Variants in KIF26B observed in about 807,000 individuals in gnomAD.
KIF26B encodes kinesin family member 26B.
Under a neutral mutation model 151.2 loss-of-function variants are expected in KIF26B, and 63 were observed. The ratio of observed to expected loss-of-function variants is 0.42; its 90% CI spans 0.34 to 0.51. The LOEUF is 0.51. Among genes scored for constraint, KIF26B ranks in the 20% least tolerant of loss-of-function variants. The pLI is 0.07. For synonymous variants in KIF26B, 1,357 were observed against 1,262.1 expected, an observed-to-expected ratio of 1.08 and a Z score of -1.59; for missense variants, 2,813 against 2,913.6, an observed-to-expected ratio of 0.97 and a Z score of 0.79.
intron 2 of KIF26B, among the ~76,000 whole-genome samples, chr1:245,268,507 AATAAT>A (rs1670791789): frequency 1.5e-5 from 1 of 68,410 alleles, no homozygotes; most frequent in African/African-American, 5.3e-5. Context: ...TAATAATAAT[AATAAT>A]AATAAAGTTT....
Position 245,508,393 on chromosome 1 carries a change from A to G in KIF26B, c.1167-32374A>G, listed in dbSNP as rs1660767343. Among the ~76,000 whole-genome samples the G allele has an allele frequency of 2.0e-5, 3 of 152,102 alleles. No homozygotes were observed. The South Asian group carries it at 6.2e-4, about 32-fold the overall frequency. On this transcript the variant is annotated intron_variant, in intron 4 of 14. Transcript: ENST00000407071. ...GTAGCTGTGACTACTGGCGCCCGCC[A>G]CCACGCCCGGCTAATTTTTTGTATT...
chr1:245,353,905 T>C (rs960632338), intron 2 of KIF26B: 3 of 152,674 alleles, frequency 2.0e-5, no homozygotes, highest in African/African-American at 7.2e-5. Context: ...GGTGAAATTC[T>C]GGACCTCACA....
chr1:245,332,774 G>A (rs1202555877), intron 2 of KIF26B, among the ~76,000 whole-genome samples: 1 of 152,206 alleles, frequency 6.6e-6, no homozygotes, highest in Non-Finnish European at 1.5e-5. Flanking sequence ...TGGCTCATAA[G>A]TTTCCAGTCT....
intron 4 of KIF26B, among the ~76,000 whole-genome samples, chr1:245,428,613 C>G (rs898334792): frequency 1.3e-5 from 2 of 152,206 alleles, no homozygotes; most frequent in African/African-American, 2.4e-5. Context: ...AAGTGGCATT[C>G]ATAGCTTGGC....
chr1:245,614,007 T>G (rs2043556725), intron 9 of KIF26B, among the ~76,000 whole-genome samples: 1 of 152,186 alleles, frequency 6.6e-6, no homozygotes, highest in African/African-American at 2.4e-5. Flanking sequence ...GTCCTGGTTT[T>G]GCGTTTATCC....
chr1:245,680,334 C>T (rs2044417356), intron 10 of KIF26B, among the ~76,000 whole-genome samples: 1 of 152,214 alleles, frequency 6.6e-6, no homozygotes, highest in African/African-American at 2.4e-5. Flanking sequence ...GGCTCACCAG[C>T]AGCTCTACCG....
chr1:245,466,391 G>A (rs974795661), intron 4 of KIF26B, among the ~76,000 whole-genome samples: 5 of 152,202 alleles, frequency 3.3e-5, no homozygotes, highest in Non-Finnish European at 7.3e-5. Flanking sequence ...TCTGGTGAAG[G>A]AGGCTGCAAC....
chr1:245,252,981 A>C (rs973231477), intron 2 of KIF26B, among the ~76,000 whole-genome samples: 1 of 148,956 alleles, frequency 6.7e-6, no homozygotes, highest in Non-Finnish European at 1.5e-5. Context: ...TTTTCTCTAC[A>C]TCCATTGAGG....
At position 245,431,909 on chromosome 1, in the gene KIF26B, C is replaced by T. The variant is rs141348185; in HGVS notation, c.1166+12164C>T. Among the ~76,000 whole-genome samples the T allele has an allele frequency of 2.8e-3, 429 of 152,318 alleles. 4 individuals carry two copies. Among genetic ancestry groups the T allele is most frequent in the African/African-American group, 8.8e-3 (366 of 41,576 alleles). On this transcript the variant is annotated intron_variant, in intron 4 of 14. Coordinates refer to ENST00000407071, the MANE Select transcript of KIF26B (RefSeq NM_018012.4). ...ACACCATCTGTCCCCTGCCCTCTTC[C>T]TCTGCCATGTTCCCACTTGCTTACT...
rs1391204268 is a variant in KIF26B, at chr1:245,560,612, C to T, written c.1350+19662C>T. Among the ~76,000 whole-genome samples, 1 of 152,118 alleles carries T rather than the reference C, an allele frequency of 6.6e-6. No individual in the cohort carries two copies. Among genetic ancestry groups the T allele is most frequent in the Non-Finnish European group, 1.5e-5 (1 of 68,018 alleles). Reference sequence around the variant, plus strand: ...TGGAGGTTGAAAACATCTCAGCGCACTTCACGGAGGTTCTCAGAGACCCCA... The same window carrying T: ...TGGAGGTTGAAAACATCTCAGCGCATTTCACGGAGGTTCTCAGAGACCCCA... On this transcript the variant is annotated intron_variant, in intron 5 of 14. Transcript: ENST00000407071. The surrounding 1 kb of genome is among the most constrained non-coding windows in gnomAD (Gnocchi z 4.3).
In KIF26B at chr1:245,688,275, G is replaced by A; in HGVS notation, c.5292G>A (p.Pro1764=). The A allele has an allele frequency of 1.9e-6, 3 of 1,595,790 alleles. No homozygotes were observed. The highest frequency in any genetic ancestry group is 1.1e-5 in the South Asian group (1 of 90,680). The part of the protein sequence containing the change: ...KTLSFSTKSL[P]QAVGQGSSSP... ...TCAGCTTCTCCACCAAGTCCCTGCC[G>A]CAGGCGGTGGGCCAGGGCTCCAGCT... The change falls in exon 12 of 15, where the codon CCG becomes CCA. Residue 1764 remains proline (P), a synonymous_variant. Coordinates refer to ENST00000407071, the MANE Select transcript of KIF26B (RefSeq NM_018012.4).
intron 4 of KIF26B, among the ~76,000 whole-genome samples, chr1:245,428,102 C>G (rs1432279044): frequency 5.3e-5 from 8 of 152,202 alleles, no homozygotes; most frequent in African/African-American, 1.7e-4. Flanking sequence ...CAAGCAGTGT[C>G]AGGACATAGA....
rs187320368 is a variant in KIF26B at position 245,324,114 on chromosome 1, G to A, written c.466-42720G>A. ...GCCATGGGTGGTGAGAGGTAGAGTT[G>A]GTGTGGACTCTGCCAGGGGTGGTTG... On this transcript the variant is annotated intron_variant, in intron 2 of 14. Transcript: ENST00000407071. 8.6e-4 allele frequency among the ~76,000 whole-genome samples: 125 copies of A among 144,930 alleles called. 3 individuals carry two copies. The East Asian group carries it at 0.026, about 30-fold the overall frequency.
chr1:245,482,102 T>A (rs1175730298), intron 4 of KIF26B, among the ~76,000 whole-genome samples: 1 of 151,778 alleles, frequency 6.6e-6, no homozygotes, highest in Middle Eastern at 3.2e-3. Context: ...TTTATTGACT[T>A]ATTTTTTGAT....
intron 4 of KIF26B, among the ~76,000 whole-genome samples, chr1:245,463,433 G>C (rs1659697731): frequency 6.6e-6 from 1 of 152,186 alleles, no homozygotes; most frequent in Non-Finnish European, 1.5e-5. Flanking sequence ...GTCTCCCCTG[G>C]ATATACATCC....
intron 3 of KIF26B, among the ~76,000 whole-genome samples, chr1:245,408,349 CTTTT>C (rs58724712): frequency 0.018 from 1,995 of 113,326 alleles, 72 homozygotes; most frequent in African/African-American, 0.058. Context: ...TTAAATGATT[CTTTT>C]TTTTTTTTTT....
chr1:245,170,331 C>T lies in KIF26B; in HGVS notation c.465+13648C>T, dbSNP rs1369635097. On this transcript the variant is annotated intron_variant, in intron 2 of 14. Coordinates refer to ENST00000407071, the MANE Select transcript of KIF26B (RefSeq NM_018012.4). This position sits in a 1 kb window ranked among gnomAD's most constrained non-coding sequence, Gnocchi z 4.4. Reference sequence around the variant, plus strand: ...GAGGGTCCTTGCATTTCTTGTCAGTCAATACGTCCTTGTTTTGGCTAAGTC... The same window carrying T: ...GAGGGTCCTTGCATTTCTTGTCAGTTAATACGTCCTTGTTTTGGCTAAGTC... Among the ~76,000 whole-genome samples, 1 of 152,154 alleles carries T rather than the reference C, an allele frequency of 6.6e-6. No homozygotes were observed. The highest frequency in any genetic ancestry group is 6.5e-5 in the Admixed American group (1 of 15,274).
chr1:245,446,827 A>AT (rs1255667339), intron 4 of KIF26B, among the ~76,000 whole-genome samples: 4 of 152,140 alleles, frequency 2.6e-5, no homozygotes, highest in Non-Finnish European at 5.9e-5. Context: ...GGCCCCTCTC[A>AT]TTATATAGAG....
At chr1:245,280,151 G>A (rs915575779) in intron 2 of KIF26B, among the ~76,000 whole-genome samples, 9 of 151,940 alleles carry the variant, frequency 5.9e-5, no homozygotes, top group African/African-American at 1.7e-4. Context: ...GCCAGGAGTC[G>A]TCACCCAGAA....
Sources: allele counts gnomAD v4.1 joint callset (sites outside exome capture counted in the v4.1 genomes callset), GRCh38; gene constraint gnomAD v4.1.1; non-coding constraint Gnocchi (gnomAD v3.1); transcripts MANE v1.5; gene names NCBI Gene and HGNC (gene_info 2026-07-23, HGNC 2026-07-21).